Variants in MARK4 observed in about 807,000 individuals in gnomAD.
MARK4 encodes the protein MAP/microtubule affinity-regulating kinase 4.
Under a neutral mutation model 81.5 loss-of-function variants are expected in MARK4, and 19 were observed. The observed-to-expected ratio is 0.23, with a 90% CI of 0.16 to 0.34. The LOEUF is 0.34. MARK4 is among the 10% of genes least tolerant of loss of function. The pLI, the probability that MARK4 is intolerant of heterozygous loss-of-function variation, is 1.00. For missense variants in MARK4, 772 were observed against 1,058.8 expected (o/e 0.73, Z 3.76); for synonymous variants, 436 against 439.0 (o/e 0.99, Z 0.08).
chr19:45,292,993 C>T (rs1000260045), intron 13 of MARK4, among the ~76,000 whole-genome samples: 10 of 147,832 alleles, frequency 6.8e-5, no homozygotes, highest in Admixed American at 2.7e-4. Flanking sequence ...TCAGTCTGGG[C>T]GTGGTGGCTC....
intron 10 of MARK4, among the ~76,000 whole-genome samples, chr19:45,279,173 T>C (rs916458194): frequency 6.6e-6 from 1 of 152,118 alleles, no homozygotes; most frequent in Non-Finnish European, 1.5e-5. Flanking sequence ...TACAGTGAGC[T>C]ATGATCATGC....
intron 8 of MARK4, among the ~76,000 whole-genome samples, chr19:45,277,423 T>A (rs185200515): frequency 1.0e-3 from 152 of 151,454 alleles, no homozygotes; most frequent in Non-Finnish European, 1.6e-3. Context: ...TGAAAAGTTA[T>A]GTAGCTTAAA....
chr19:45,256,900 AC>A (rs1479289537), intron 1 of MARK4, among the ~76,000 whole-genome samples: 1 of 152,032 alleles, frequency 6.6e-6, no homozygotes, highest in Non-Finnish European at 1.5e-5. Flanking sequence ...AGTATTTCAA[AC>A]TTTTTCATCA....
intron 13 of MARK4, among the ~76,000 whole-genome samples, chr19:45,291,168 A>AGCG (rs1457144062): frequency 6.6e-6 from 1 of 152,196 alleles, no homozygotes; most frequent in African/African-American, 2.4e-5. Context: ...AATGGATGGG[A>AGCG]GCGGCAGGGC....
In MARK4 at chr19:45,302,552, G is replaced by A; in HGVS notation, c.2101G>A (p.Gly701Arg). Residue 701 changes from glycine to arginine, a missense_variant, in exon 17 of 17, where the codon GGG (glycine) becomes AGG (arginine). By Grantham distance (125) the Gly-to-Arg change is moderately radical. This residue lies in a region of MARK4 where 548 missense variants were observed against 624.3 expected (regional missense o/e 0.88). Coordinates refer to ENST00000262891, the MANE Select transcript of MARK4 (RefSeq NM_001199867.2). The surrounding 1 kb of genome is among the most constrained non-coding windows in gnomAD (Gnocchi z 4.9). ...PQPFLLACLH[G>R]GAGGPEPLSH... The stretch of plus-strand genomic sequence containing the variant: ...GCCGTTCCTGCTGGCCTGCCTGCAC[G>A]GGGGTGCGGGCGGGCCCGAGCCCCT... 3.1e-6 allele frequency: 5 copies of A among 1,592,890 alleles called. No individual in the cohort carries two copies. Among genetic ancestry groups the A allele is most frequent in the East Asian group, 2.2e-5 (1 of 44,692 alleles).
rs1171121206 is a variant in MARK4 at position 45,304,602 on chromosome 19, A to T, written c.*1892A>T. On this transcript the variant is annotated 3_prime_UTR_variant, in exon 17 of 17. Coordinates refer to ENST00000262891, the MANE Select transcript of MARK4 (RefSeq NM_001199867.2). ...AGAGGCTTGGTCAATTCCTGAGAGC[A>T]TCCTCTGTGCTGGGGACACAGTGGT... The T allele has an allele frequency of 6.6e-6, 1 of 152,224 alleles. No homozygotes were observed. Among genetic ancestry groups the T allele is most frequent in the African/African-American group, 2.4e-5 (1 of 41,450 alleles). The allele number at this position is 152,224 out of a possible 1,614,324, so 9.4% of individuals were successfully genotyped here. A position where few individuals can be genotyped will look rare whatever the true frequency, so the allele number is the denominator to read the frequency against.
At chr19:45,269,198 G>A (rs1466908558) in intron 7 of MARK4, among the ~76,000 whole-genome samples, 1 of 152,112 alleles carries the variant, frequency 6.6e-6, no homozygotes, top group Non-Finnish European at 1.5e-5. Flanking sequence ...GGCCAACATG[G>A]CAAGACCTCG....
chr19:45,302,274 G>A lies in MARK4; in HGVS notation c.1923-100G>A. On this transcript the variant is annotated intron_variant, in intron 16 of 16. Transcript: ENST00000262891. This position sits in a 1 kb window ranked among gnomAD's most constrained non-coding sequence, Gnocchi z 4.9. ...AGGGGAAGATGTTTTTTGAGGGGATGGCTAGGAATGTGTCCCGAATTGGGA... is the reference window on the plus strand; with the variant it reads ...AGGGGAAGATGTTTTTTGAGGGGATAGCTAGGAATGTGTCCCGAATTGGGA... The A allele has an allele frequency of 6.3e-7, 1 of 1,575,084 alleles. No individual in the cohort carries two copies. The highest frequency in any genetic ancestry group is 8.6e-7 in the Non-Finnish European group (1 of 1,159,436).
intron 1 of MARK4, among the ~76,000 whole-genome samples, chr19:45,257,493 C>T (rs540470649): frequency 6.7e-6 from 1 of 149,894 alleles, no homozygotes; most frequent in South Asian, 2.1e-4. Flanking sequence ...AAGTGATTCT[C>T]CTGCCTCAGC....
chr19:45,252,265 C>T (rs1168311134), intron 1 of MARK4, among the ~76,000 whole-genome samples: 2 of 152,142 alleles, frequency 1.3e-5, no homozygotes, highest in Admixed American at 1.3e-4. Context: ...CCGTCCCAGG[C>T]CTGGTCCCCA....
At chr19:45,261,891 C>T (rs1970385317) in intron 2 of MARK4, among the ~76,000 whole-genome samples, 1 of 151,354 alleles carries the variant, frequency 6.6e-6, no homozygotes, top group Non-Finnish European at 1.5e-5. Flanking sequence ...CAAGATTGCG[C>T]CATTGCACTC....
At chr19:45,257,692 T>A (rs1487049043) in intron 1 of MARK4, among the ~76,000 whole-genome samples, 25 of 83,880 alleles carry the variant, frequency 3.0e-4, no homozygotes, top group African/African-American at 1.0e-3. Context: ...CCATAATATT[T>A]TTTTTTTTTT....
chr19:45,263,386 CA>C lies in MARK4; in HGVS notation c.355+20del. 1 of 1,614,000 alleles carries C rather than the reference CA, an allele frequency of 6.2e-7. No individual in the cohort carries two copies. The highest frequency in any genetic ancestry group is 8.5e-7 in the Non-Finnish European group (1 of 1,179,946). ...AACATCGGTGAGGAGGGAATGGGAG[CA>C]GGGGCAGGCCACCAACTGGAACACT... On this transcript the variant is annotated intron_variant, in intron 4 of 16. Transcript: ENST00000262891.
In MARK4 at chr19:45,271,736, A is replaced by AC. The variant is rs1166250444; in HGVS notation, c.786+28_786+29insC. 5.0e-6 allele frequency: 8 copies of AC among 1,588,064 alleles called. No homozygotes were observed. The highest frequency in any genetic ancestry group is 6.9e-6 in the Non-Finnish European group (8 of 1,158,892). On this transcript the variant is annotated intron_variant, in intron 8 of 16. Transcript: ENST00000262891. This position sits in a 1 kb window ranked among gnomAD's most constrained non-coding sequence, Gnocchi z 4.1. ...ACCGAGAGGGGCTGGGTGCAGGGGC[A>AC]TCAGCCCCTCCCCACAGTCAGGCCC...
In MARK4 at chr19:45,303,448, G is replaced by GA. The variant is rs1355709188; in HGVS notation, c.*738_*739insA. ...AAGAGGCGTGGGAATCCAGGCAGTG[G>GA]TTTTTCCTTTCGGAGCCTCGGTTTT... On this transcript the variant is annotated 3_prime_UTR_variant, in exon 17 of 17. Coordinates refer to ENST00000262891, the MANE Select transcript of MARK4 (RefSeq NM_001199867.2). The GA allele has an allele frequency of 6.6e-6, 1 of 152,186 alleles. No homozygotes were observed. Among genetic ancestry groups the GA allele is most frequent in the African/African-American group, 2.4e-5 (1 of 41,418 alleles). 9.4% of individuals were successfully genotyped at this position (152,186 alleles called of 1,614,324 possible).
At chr19:45,268,031 G>A (rs1488398555) in intron 7 of MARK4, among the ~76,000 whole-genome samples, 1 of 151,806 alleles carries the variant, frequency 6.6e-6, no homozygotes, top group African/African-American at 2.4e-5. Flanking sequence ...CCTGACCTTG[G>A]GTGATCTGCC....
chr19:45,265,726 G>T (rs922827242), intron 6 of MARK4, among the ~76,000 whole-genome samples: 1 of 148,346 alleles, frequency 6.7e-6, no homozygotes, highest in Non-Finnish European at 1.5e-5. Context: ...GTAAGAAGAT[G>T]TGCGTGTGTG....
Position 45,302,971 on chromosome 19 carries a change from A to C in MARK4, c.*261A>C, listed in dbSNP as rs555390272. 33 of 553,680 alleles carry C rather than the reference A, an allele frequency of 6.0e-5. No homozygotes were observed. The African/African-American group carries it at 6.3e-4, about 11-fold the overall frequency. The allele number at this position is 553,680 out of a possible 1,614,324, so 34.3% of individuals were successfully genotyped here. A position where few individuals can be genotyped will look rare whatever the true frequency, so the allele number is the denominator to read the frequency against. On this transcript the variant is annotated 3_prime_UTR_variant, in exon 17 of 17. Transcript: ENST00000262891. This position sits in a 1 kb window ranked among gnomAD's most constrained non-coding sequence, Gnocchi z 4.9. The stretch of plus-strand genomic sequence containing the variant: ...TCCTCCCTCGCCCTACCAAGAGGGC[A>C]CCTGAGGAGACTTTGGGGACAGGGC...
At chr19:45,301,049 T>A (rs344802) in intron 16 of MARK4, among the ~76,000 whole-genome samples, 107,374 of 151,994 alleles carry the variant, frequency 0.71, 39,283 homozygotes, top group African/African-American at 0.82. Context: ...GAGAATGTTT[T>A]TCATTCCTGA....
Sources: gnomAD v4.1 joint callset for allele counts (sites outside exome capture counted in the v4.1 genomes callset) on GRCh38, gnomAD v4.1.1 for gene constraint, gnomAD v4.1.1 regional missense constraint, Gnocchi (gnomAD v3.1) non-coding constraint, MANE v1.5 for transcripts, NCBI Gene and HGNC (gene_info 2026-07-23, HGNC 2026-07-21) for gene names.